Variants in KLRD1 observed in about 807,000 individuals in gnomAD.
The protein encoded by KLRD1 is natural killer cells antigen CD94.
Under a neutral mutation model 22.6 loss-of-function variants are expected in KLRD1, and 21 were observed. The ratio of observed to expected loss-of-function variants is 0.93; its 90% confidence interval spans 0.66 to 1.34. KLRD1 has a LOEUF of 1.34. Ranked by LOEUF, KLRD1 falls within the 40% of genes most tolerant of loss-of-function variation. The probability of loss-of-function intolerance (pLI) is 0.00; values close to 1 mark genes in which losing one functional copy is unlikely to be tolerated. For synonymous variants in KLRD1, 59 were observed against 71.1 expected (o/e 0.83, Z 0.85); for missense variants, 183 against 208.6 (o/e 0.88, Z 0.76).
chr12:10,240,235 A>AT (rs1482287907), intron 1 of KLRD1, among the ~76,000 whole-genome samples: 4 of 151,352 alleles, frequency 2.6e-5, no homozygotes, highest in African/African-American at 9.7e-5. Context: ...TAATTTTTGT[A>AT]TTTTTTGTAG....
chr12:10,266,285 C>T (rs1159395840), intron 1 of KLRD1, among the ~76,000 whole-genome samples: 5 of 152,062 alleles, frequency 3.3e-5, no homozygotes, highest in Admixed American at 3.3e-4. Flanking sequence ...CAGTTTCACA[C>T]ATCAAATTTG....
rs138584594 is a variant in KLRD1, at chr12:10,310,362, C to T, written c.163+674C>T. The stretch of plus-strand genomic sequence containing the variant: ...CTCGAACTCCTGACCTCAGGTCATC[C>T]ACCTGCCTCGGCTTCCAAAGTGTTG... On this transcript the variant is annotated intron_variant, in intron 3 of 5. Coordinates refer to ENST00000336164, the MANE Select transcript of KLRD1 (RefSeq NM_002262.5). 3.1e-3 allele frequency among the ~76,000 whole-genome samples: 476 copies of T among 152,318 alleles called. 3 individuals carry two copies. Among genetic ancestry groups the T allele is most frequent in the African/African-American group, 0.011 (450 of 41,576 alleles).
chr12:10,273,001 A>C (rs1226828857), intron 1 of KLRD1, among the ~76,000 whole-genome samples: 1 of 152,124 alleles, frequency 6.6e-6, no homozygotes, highest in Non-Finnish European at 1.5e-5. Flanking sequence ...TGTGATTGTA[A>C]ATATTTATGC....
intron 1 of KLRD1, among the ~76,000 whole-genome samples, chr12:10,247,452 G>A (rs550617938): frequency 7.9e-5 from 12 of 152,026 alleles, no homozygotes; most frequent in African/African-American, 2.7e-4. Context: ...ACTAATTTTT[G>A]TATAACATTT....
In KLRD1 at chr12:10,327,929, T is replaced by C. The variant is rs1950375583; in HGVS notation, c.*13136T>C. On this transcript the variant is annotated 3_prime_UTR_variant, in exon 6 of 6. Coordinates refer to ENST00000336164, the MANE Select transcript of KLRD1 (RefSeq NM_002262.5). ...AATCTATTGAGATGCACAGGTGACA[T>C]TTATCCTTCATTCTATTAATGTGGT... is the stretch of plus-strand genomic sequence containing the variant. The C allele has an allele frequency of 6.6e-6, 1 of 152,208 alleles. No homozygotes were observed. Among genetic ancestry groups the C allele is most frequent in the South Asian group, 2.1e-4 (1 of 4,830 alleles). 9.4% of individuals were successfully genotyped at this position (152,208 alleles called of 1,614,324 possible). A position where few individuals can be genotyped will look rare whatever the true frequency, so the allele number is the denominator to read the frequency against.
chr12:10,268,070 T>C (rs1205383182), intron 1 of KLRD1, among the ~76,000 whole-genome samples: 1 of 152,124 alleles, frequency 6.6e-6, no homozygotes, highest in African/African-American at 2.4e-5. Context: ...AAATTTGCAT[T>C]TTGAGGAGAC....
At chr12:10,306,716 A>AT (rs1448652008), upstream of KLRD1, among the ~76,000 whole-genome samples, 1 of 152,202 alleles carries the variant, frequency 6.6e-6, no homozygotes, top group Admixed American at 6.5e-5. Context: ...GATGAAGTAG[A>AT]TTTTACGCTT....
Position 10,323,864 on chromosome 12 carries a change from C to CTTTTTTTTTTTTTTTT in KLRD1, c.*9086_*9087insTTTTTTTTTTTTTTTT. The stretch of plus-strand genomic sequence containing the variant: ...TTCCCTTTTATTTCTTATTTCTTTC[C>CTTTTTTTTTTTTTTTT]TTTTTTTTTTTTTTTGAGACTGAGT... On this transcript the variant is annotated 3_prime_UTR_variant, in exon 6 of 6. Coordinates refer to ENST00000336164, the MANE Select transcript of KLRD1 (RefSeq NM_002262.5). 9.4e-6 allele frequency: 1 copy of CTTTTTTTTTTTTTTTT among 106,366 alleles called. No homozygotes were observed. Among genetic ancestry groups the CTTTTTTTTTTTTTTTT allele is most frequent in the Non-Finnish European group, 1.8e-5 (1 of 54,624 alleles). The allele number at this position is 106,366 out of a possible 1,614,324, so 6.6% of individuals were successfully genotyped here. A position where few individuals can be genotyped will look rare whatever the true frequency, so the allele number is the denominator to read the frequency against.
At chr12:10,250,677 T>G (rs917839525) in intron 1 of KLRD1, among the ~76,000 whole-genome samples, 1 of 152,098 alleles carries the variant, frequency 6.6e-6, no homozygotes, top group Non-Finnish European at 1.5e-5. Flanking sequence ...ACTTGGGTAT[T>G]AATTTATCAG....
chr12:10,247,992 G>A (rs760708320), intron 1 of KLRD1, among the ~76,000 whole-genome samples: 6 of 152,104 alleles, frequency 3.9e-5, no homozygotes, highest in Non-Finnish European at 8.8e-5. Flanking sequence ...ACATTTTAAT[G>A]TCTCTGAAAT....
At chr12:10,276,272 A>G (rs181046491) in intron 1 of KLRD1, among the ~76,000 whole-genome samples, 22 of 152,198 alleles carry the variant, frequency 1.4e-4, no homozygotes, top group African/African-American at 4.6e-4. Context: ...CTTGTAATCT[A>G]TATTTAAAAT....
rs936973851 is a variant in KLRD1 at position 10,253,897 on chromosome 12, G to A, written c.-101+27664G>A. 1.6e-4 allele frequency among the ~76,000 whole-genome samples: 25 copies of A among 152,162 alleles called. 1 individual carries two copies. The South Asian group carries it at 3.9e-3, about 24-fold the overall frequency. On this transcript the variant is annotated intron_variant, in intron 1 of 5. Transcript: ENST00000544747. Reference sequence around the variant, plus strand: ...TTATCATTCACATGCATGTGTCTTCGTGGTAGAAGGATTTATATTCTTCTG... The same window carrying A: ...TTATCATTCACATGCATGTGTCTTCATGGTAGAAGGATTTATATTCTTCTG...
chr12:10,251,572 G>A (rs769536890), intron 1 of KLRD1, among the ~76,000 whole-genome samples: 44 of 151,962 alleles, frequency 2.9e-4, no homozygotes, highest in Non-Finnish European at 4.9e-4. Context: ...GTTCAAGTGC[G>A]TTACATTTAT....
In KLRD1 at chr12:10,290,020, G is replaced by A. The variant is rs148348894; in HGVS notation, c.-100-17958G>A. ...CTTGAACTCCCGACTCAGGTGATCC[G>A]CCCACCTCGGCCTCCCAAAGTGCTG... On this transcript the variant is annotated intron_variant, in intron 1 of 5. Coordinates refer to the KLRD1 transcript ENST00000544747. 5.3e-3 allele frequency among the ~76,000 whole-genome samples: 801 copies of A among 152,138 alleles called. 4 individuals are homozygous for A. The highest frequency in any genetic ancestry group is 0.017 in the African/African-American group (695 of 41,524).
Position 10,329,331 on chromosome 12 carries a change from A to G in KLRD1, c.*14538A>G, listed in dbSNP as rs1233723895. On this transcript the variant is annotated 3_prime_UTR_variant, in exon 6 of 6. Coordinates refer to ENST00000336164, the MANE Select transcript of KLRD1 (RefSeq NM_002262.5). The stretch of plus-strand genomic sequence containing the variant: ...TTTATTAGTTTTCCTTTTGCAACTG[A>G]TTTCTAGTTTCATTCCCTTGATGCT... 1.3e-5 allele frequency: 2 copies of G among 152,064 alleles called. No individual in the cohort carries two copies. Among genetic ancestry groups the G allele is most frequent in the African/African-American group, 4.8e-5 (2 of 41,396 alleles). 9.4% of individuals were successfully genotyped at this position (152,064 alleles called of 1,614,324 possible).
rs1416669553 is a variant in KLRD1, at chr12:10,309,481, G to A, written c.100+1G>A. ...ACGTTGGGAATTTTGTTGAAAAATT[G>A]TAAGTTTTTCTAAGCAAGTCTCCAT... is the stretch of plus-strand genomic sequence containing the variant. On this transcript the variant is annotated splice_donor_variant, in intron 2 of 5. Transcript: ENST00000336164. LOFTEE classifies it high-confidence loss of function. 1 of 1,462,758 alleles carries A rather than the reference G, an allele frequency of 6.8e-7. No individual in the cohort carries two copies. 90.6% of individuals were successfully genotyped at this position (1,462,758 alleles called of 1,614,324 possible).
chr12:10,265,231 A>G (rs147536764), intron 1 of KLRD1, among the ~76,000 whole-genome samples: 59 of 152,306 alleles, frequency 3.9e-4, no homozygotes, highest in Non-Finnish European at 6.8e-4. Context: ...ATCATATTAT[A>G]TATAGACATA....
In KLRD1 at chr12:10,323,967, T is replaced by TG. The variant is rs1325976953; in HGVS notation, c.*9174_*9175insG. ...ACCTTCACCACCTGGGTTCAAGTTATTCTCATGCCTCAGCCTCCCCAGTAG... is the reference window on the plus strand; with the variant it reads ...ACCTTCACCACCTGGGTTCAAGTTATGTCTCATGCCTCAGCCTCCCCAGTAG... On this transcript the variant is annotated 3_prime_UTR_variant, in exon 6 of 6. Transcript: ENST00000336164. 5 of 146,354 alleles carry TG rather than the reference T, an allele frequency of 3.4e-5. No homozygotes were observed. Among genetic ancestry groups the TG allele is most frequent in the Non-Finnish European group, 7.5e-5 (5 of 66,892 alleles). The allele number at this position is 146,354 out of a possible 1,614,324, so 9.1% of individuals were successfully genotyped here.
chr12:10,263,255 A>G lies in KLRD1; in HGVS notation c.-101+37022A>G, dbSNP rs556623656. 1.1e-3 allele frequency among the ~76,000 whole-genome samples: 174 copies of G among 152,112 alleles called. 1 individual carries two copies. The highest frequency in any genetic ancestry group is 2.1e-3 in the Non-Finnish European group (140 of 67,862). On this transcript the variant is annotated intron_variant, in intron 1 of 5. Transcript: ENST00000544747. ...TACCTTGAATAATGGTACACTTTCAATCATCTTCAGAGGCTATGAACTATT... is the reference window on the plus strand; with the variant it reads ...TACCTTGAATAATGGTACACTTTCAGTCATCTTCAGAGGCTATGAACTATT...
Sources: allele counts gnomAD v4.1 joint callset (sites outside exome capture counted in the v4.1 genomes callset), GRCh38; gene constraint gnomAD v4.1.1; transcripts MANE v1.5; gene names NCBI Gene and HGNC (gene_info 2026-07-23, HGNC 2026-07-21).